The following FLI1 variants were observed in gnomAD, a reference collection of about 807,000 sequenced individuals.
The protein encoded by FLI1 is Fli-1 proto-oncogene, ETS transcription factor.
FLI1 carries 13 observed loss-of-function variants against 53.1 expected under a neutral mutation model. That is an observed-to-expected ratio of 0.24 (90% confidence interval 0.16 to 0.39). FLI1 has a LOEUF of 0.39. Ranked by LOEUF, FLI1 falls within the 10% of genes least tolerant of loss-of-function variation. The probability of loss-of-function intolerance (pLI) is 1.00; values close to 1 mark genes in which losing one functional copy is unlikely to be tolerated. For synonymous variants in FLI1, 244 were observed against 236.7 expected, an observed-to-expected ratio of 1.03 and a Z score of -0.28; for missense variants, 424 against 600.5, an observed-to-expected ratio of 0.71 and a Z score of 3.07.
At chr11:128,693,743 A>G, upstream of FLI1, 1 of 233,136 alleles carries the variant, frequency 4.3e-6, no homozygotes, top group South Asian at 1.8e-4. Context: ...GGACCCCGTC[A>G]TTGTTCCCGG....
chr11:128,688,517 G>A (rs1413647632), intron 1 of FLI1, among the ~76,000 whole-genome samples: 2 of 152,332 alleles, frequency 1.3e-5, no homozygotes, highest in African/African-American at 2.4e-5. Context: ...AGCCCCTGCC[G>A]TTGTCCGGCA....
At chr11:128,687,358 G>A (rs1204598208) in intron 1 of FLI1, among the ~76,000 whole-genome samples, 1 of 152,098 alleles carries the variant, frequency 6.6e-6, no homozygotes, top group Non-Finnish European at 1.5e-5. Flanking sequence ...AAAATCCGCT[G>A]GCTGGGTGGG....
intron 1 of FLI1, among the ~76,000 whole-genome samples, chr11:128,711,554 C>T (rs552668358): frequency 3.9e-5 from 6 of 152,286 alleles, no homozygotes; most frequent in Admixed American, 6.5e-5. Flanking sequence ...AGGATAGTCA[C>T]GAATCATGAT....
chr11:128,685,298 G>A (rs1328427275), upstream of FLI1, among the ~76,000 whole-genome samples: 2 of 152,182 alleles, frequency 1.3e-5, no homozygotes, highest in African/African-American at 4.8e-5. Context: ...ACACAGGATA[G>A]GCACCAAGAA....
chr11:128,709,577 G>A (rs896972829), intron 1 of FLI1, among the ~76,000 whole-genome samples: 2 of 152,122 alleles, frequency 1.3e-5, no homozygotes, highest in African/African-American at 2.4e-5. Flanking sequence ...TCAATGGGGG[G>A]TTTACGTAAA....
intron 1 of FLI1, among the ~76,000 whole-genome samples, chr11:128,711,932 T>A (rs191764634): frequency 3.7e-3 from 557 of 152,252 alleles, no homozygotes; most frequent in Non-Finnish European, 5.8e-3. Context: ...TTTAAAAAAA[T>A]TTTATTTTAA....
At chr11:128,765,027 G>A (rs1241390936) in intron 2 of FLI1, among the ~76,000 whole-genome samples, 1 of 151,874 alleles carries the variant, frequency 6.6e-6, no homozygotes, top group East Asian at 1.9e-4. Flanking sequence ...TGTCCAGCTG[G>A]AGAGCAGGTG....
intron 1 of FLI1, among the ~76,000 whole-genome samples, chr11:128,714,322 A>G (rs577712945): frequency 6.6e-6 from 1 of 152,258 alleles, no homozygotes; most frequent in Non-Finnish European, 1.5e-5. Flanking sequence ...GGGCCTTCTC[A>G]TGCTGCAGTT....
At position 128,772,858 on chromosome 11, in the gene FLI1, C is replaced by G. The variant is rs745359490; in HGVS notation, c.462C>G (p.Ile154Met). 1.2e-6 allele frequency: 2 copies of G among 1,613,934 alleles called. No homozygotes were observed. Among genetic ancestry groups the G allele is most frequent in the South Asian group, 1.1e-5 (1 of 91,078 alleles). The change falls in exon 4 of 9, where the codon ATC (isoleucine) becomes ATG (methionine). Residue 154 changes from isoleucine to methionine, a missense_variant. Physicochemically the swap from Ile to Met is conservative, Grantham distance 10. Coordinates refer to ENST00000527786, the MANE Select transcript of FLI1 (RefSeq NM_002017.5). The stretch of plus-strand genomic sequence containing the variant: ...TAAAGGAGTACAGCTTGATGGAGAT[C>G]GACACATCCTTTTTCCAGAACATGG... Reference protein sequence around the residue: ...WAIKEYSLMEIDTSFFQNMDG... With the variant: ...WAIKEYSLMEMDTSFFQNMDG...
chr11:128,753,084 C>T (rs562712198), intron 1 of FLI1, among the ~76,000 whole-genome samples: 2 of 152,306 alleles, frequency 1.3e-5, no homozygotes, highest in African/African-American at 2.4e-5. Flanking sequence ...TGGGGCACTT[C>T]CCTGCCTGGA....
At chr11:128,714,682 C>CCAG (rs1294044964) in intron 1 of FLI1, among the ~76,000 whole-genome samples, 1 of 150,592 alleles carries the variant, frequency 6.6e-6, no homozygotes, top group Admixed American at 6.6e-5. Context: ...ACTGATGAGC[C>CCAG]CAGCACTGTG....
intron 4 of FLI1, among the ~76,000 whole-genome samples, chr11:128,776,673 T>C (rs1941737368): frequency 6.6e-6 from 1 of 152,152 alleles, no homozygotes; most frequent in South Asian, 2.1e-4. Context: ...GGTTGCCCCC[T>C]TGTGGACAAC....
chr11:128,720,848 G>T (rs1360904206), intron 1 of FLI1, among the ~76,000 whole-genome samples: 1 of 152,158 alleles, frequency 6.6e-6, no homozygotes, highest in Admixed American at 6.6e-5. Flanking sequence ...GTAAGAAAGA[G>T]GCCAGGCCCT....
rs75686963 is a variant in FLI1 at position 128,809,110 on chromosome 11, A to G, written c.782-47A>G. On this transcript the variant is annotated intron_variant, in intron 7 of 8. Coordinates refer to ENST00000527786, the MANE Select transcript of FLI1 (RefSeq NM_002017.5). Reference sequence around the variant, plus strand: ...TTTTCTTATGGTTGGTACGGTTGTCATATTTTTTAAAAACACTGAAGCAAA... The same window carrying G: ...TTTTCTTATGGTTGGTACGGTTGTCGTATTTTTTAAAAACACTGAAGCAAA... 6.5e-3 allele frequency: 9,864 copies of G among 1,506,760 alleles called. 567 individuals are homozygous for G. In the African/African-American group the frequency reaches 0.12, roughly 18 times the overall value. 93.3% of individuals were successfully genotyped at this position (1,506,760 alleles called of 1,614,324 possible).
chr11:128,686,425 C>T (rs1048917222), upstream of FLI1: 3 of 456,162 alleles, frequency 6.6e-6, no homozygotes, highest in Non-Finnish European at 1.3e-5. Flanking sequence ...TCTCACCGTC[C>T]CCTGGCCTGA....
rs10677310 is a variant in FLI1, at chr11:128,702,865, G to GAAAAA, written c.18+8599_18+8603dup. On this transcript the variant is annotated intron_variant, in intron 1 of 8. Transcript: ENST00000527786. ...CAACAGGGCGAGATTCTGTCTCAAAGAAAAAAAAAAAAAACATGGAGAAAA... is the reference window on the plus strand; with the variant it reads ...CAACAGGGCGAGATTCTGTCTCAAAGAAAAAAAAAAAAAAAAAAACATGGAGAAAA... 9.6e-5 allele frequency among the ~76,000 whole-genome samples: 13 copies of GAAAAA among 134,748 alleles called. 1 individual carries two copies. The highest frequency in any genetic ancestry group is 6.5e-4 in the East Asian group (3 of 4,614). 88.4% of individuals were successfully genotyped at this position (134,748 alleles called of 152,430 possible). A position where few individuals can be genotyped will look rare whatever the true frequency, so the allele number is the denominator to read the frequency against.
chr11:128,717,790 G>A (rs1939081516), intron 1 of FLI1, among the ~76,000 whole-genome samples: 1 of 152,200 alleles, frequency 6.6e-6, no homozygotes, highest in African/African-American at 2.4e-5. Flanking sequence ...AAGTTGAAAA[G>A]GGGTGGCTCT....
At chr11:128,760,808 G>A (rs534647125) in intron 2 of FLI1, among the ~76,000 whole-genome samples, 2 of 152,188 alleles carry the variant, frequency 1.3e-5, no homozygotes, top group South Asian at 2.1e-4. Context: ...TTACAGGCGT[G>A]AGCCACCGCA....
chr11:128,749,372 T>A (rs1239299268), intron 1 of FLI1, among the ~76,000 whole-genome samples: 5 of 152,190 alleles, frequency 3.3e-5, no homozygotes, highest in African/African-American at 1.2e-4. Flanking sequence ...CACTCTCAAG[T>A]CTGGAGGTTG....
Sources: allele counts gnomAD v4.1 joint callset (sites outside exome capture counted in the v4.1 genomes callset), GRCh38; gene constraint gnomAD v4.1.1; transcripts MANE v1.5; gene names NCBI Gene and HGNC (gene_info 2026-07-23, HGNC 2026-07-21).